Variants in ATAD2 observed in about 807,000 individuals in gnomAD.
ATAD2 encodes ATPase family AAA domain containing 2, also known as ATPase family AAA domain-containing protein 2.
A neutral mutation model predicts 168.9 loss-of-function variants in ATAD2; 62 were observed. That is an observed-to-expected ratio of 0.37 (90% CI 0.30 to 0.45). The LOEUF (loss-of-function observed/expected upper bound fraction) is 0.45, where lower values mean the gene tolerates loss of function less well. ATAD2 is among the 20% of genes least tolerant of loss of function. ATAD2 has a pLI of 1.00. For synonymous variants in ATAD2, 613 were observed against 571.6 expected (o/e 1.07, Z -1.03); for missense variants, 1,419 against 1,667.8 (o/e 0.85, Z 2.60).
chr8:123,394,011 A>G (rs1812715054), intron 1 of ATAD2, among the ~76,000 whole-genome samples: 2 of 152,172 alleles, frequency 1.3e-5, no homozygotes, highest in South Asian at 2.1e-4. Flanking sequence ...GACTTGGAAT[A>G]TATTTTGAAA....
At chr8:123,410,411 C>T (rs991302525) in intron 1 of ATAD2, among the ~76,000 whole-genome samples, 2 of 152,094 alleles carry the variant, frequency 1.3e-5, no homozygotes, top group Admixed American at 6.6e-5. Flanking sequence ...CTCAGCCTCC[C>T]GAGTAGCTGG....
At chr8:123,401,901 C>A in intron 1 of ATAD2, 1 of 769,564 alleles carries the variant, frequency 1.3e-6, no homozygotes, top group Non-Finnish European at 2.4e-6. Flanking sequence ...GTCTCGGGCT[C>A]CATCCAGGAC....
upstream of ATAD2, chr8:123,396,486 G>A: frequency 1.0e-6 from 1 of 991,094 alleles, no homozygotes; most frequent in Non-Finnish European, 1.4e-6. Context: ...CAGCGCGCGC[G>A]CCCAGAATCC....
rs1348904153 is a variant in ATAD2, at chr8:123,320,207, G to A, written c.*927C>T. ...TCCCCTCAAAAGGTTTCCAACAGAA[G>A]CTATTTCACAAACTGATTATTAGAA... is the stretch of plus-strand genomic sequence containing the variant. On this transcript the variant is annotated 3_prime_UTR_variant, in exon 28 of 28. Coordinates refer to ENST00000287394, the MANE Select transcript of ATAD2 (RefSeq NM_014109.4). The A allele has an allele frequency of 6.6e-6, 1 of 152,030 alleles. No homozygotes were observed. The highest frequency in any genetic ancestry group is 1.9e-4 in the East Asian group (1 of 5,200). 9.4% of individuals were successfully genotyped at this position (152,030 alleles called of 1,614,324 possible). A position where few individuals can be genotyped will look rare whatever the true frequency, so the allele number is the denominator to read the frequency against.
chr8:123,389,206 G>C (rs1161145914), intron 1 of ATAD2, among the ~76,000 whole-genome samples: 5 of 132,466 alleles, frequency 3.8e-5, no homozygotes, highest in African/African-American at 1.4e-4. Flanking sequence ...TCGATCTCCT[G>C]ACCTCCTGAT....
rs150166425 is a variant in ATAD2 at position 123,380,640 on chromosome 8, C to G, written c.209G>C (p.Arg70Pro). Residue 70 changes from arginine to proline, a missense_variant, in exon 2 of 28, where the codon CGG (arginine) becomes CCG (proline). Arg to Pro is a moderately radical substitution (Grantham distance 103). This residue lies in a region of ATAD2 where 419 missense variants were observed against 423.5 expected (regional missense o/e 0.99). Transcript: ENST00000287394. ...TCTCAAAGATCTTAAAGCACGTGTC[C>G]GGTGGTAGGTTTCAACTTCCTTAAC... ...SSVKEVETYH[R>P]TRALRSLRKD... 24 of 1,613,882 alleles carry G rather than the reference C, an allele frequency of 1.5e-5. No homozygotes were observed. The African/African-American group carries it at 2.8e-4, about 19-fold the overall frequency.
chr8:123,368,839 T>C (rs1829055131), intron 8 of ATAD2, among the ~76,000 whole-genome samples: 1 of 152,154 alleles, frequency 6.6e-6, no homozygotes, highest in Non-Finnish European at 1.5e-5. Flanking sequence ...TAAACTACCT[T>C]ACTACGGTAG....
chr8:123,363,937 T>G (rs1448053578), intron 8 of ATAD2, among the ~76,000 whole-genome samples: 1 of 152,212 alleles, frequency 6.6e-6, no homozygotes, highest in East Asian at 1.9e-4. Flanking sequence ...TCAAAAAATC[T>G]GCATTCTATA....
intron 11 of ATAD2, among the ~76,000 whole-genome samples, chr8:123,358,803 C>T (rs1413677118): frequency 6.9e-6 from 1 of 145,240 alleles, no homozygotes; most frequent in East Asian, 2.0e-4. Flanking sequence ...CCAATCTCAG[C>T]TCACTGCAAC....
rs751939954 is a variant in ATAD2 at position 123,347,325 on chromosome 8, G to A, written c.1979C>T (p.Thr660Ile). The A allele has an allele frequency of 3.1e-6, 5 of 1,613,908 alleles. No individual in the cohort carries two copies. Among genetic ancestry groups the A allele is most frequent in the Admixed American group, 1.7e-5 (1 of 60,002 alleles). ...ALRRRYPQIY[T>I]TSEKLQLDLS... is the part of the protein sequence containing the mutation. Reference sequence around the variant, plus strand: ...ATCCAACTGCAGTTTCTCACTAGTGGTATAGATCTGTGGGTAGCGTCGTCG... The same window carrying A: ...ATCCAACTGCAGTTTCTCACTAGTGATATAGATCTGTGGGTAGCGTCGTCG... The change falls in exon 16 of 28, where the codon ACC becomes ATC. Residue 660 changes from threonine (T) to isoleucine (I), a missense_variant. Coordinates refer to ENST00000287394, the MANE Select transcript of ATAD2 (RefSeq NM_014109.4).
In ATAD2 at chr8:123,347,144, C is replaced by A. The variant is rs759921231; in HGVS notation, c.2160G>T (p.Leu720=). ...ATTCTGCATGTGGAAATACTCTCTG[C>A]AGGGCTTCTAAAATCTTGTCAACAG... is the stretch of plus-strand genomic sequence containing the variant. ...QNTVDKILEA[L]QRVFPHAEFR... Residue 720 remains leucine, a synonymous_variant, in exon 16 of 28, where the codon CTG becomes CTT. Coordinates refer to ENST00000287394, the MANE Select transcript of ATAD2 (RefSeq NM_014109.4). 5 of 1,614,066 alleles carry A rather than the reference C, an allele frequency of 3.1e-6. No individual in the cohort carries two copies. In the Admixed American group the frequency reaches 6.7e-5, roughly 22 times the overall value.
At chr8:123,398,607 G>T (rs191956518), upstream of ATAD2, among the ~76,000 whole-genome samples, 99 of 152,270 alleles carry the variant, frequency 6.5e-4, 1 homozygote, top group Admixed American at 2.5e-3. Context: ...GACCTCCAGG[G>T]CTCAAGCAAT....
intron 2 of ATAD2, among the ~76,000 whole-genome samples, chr8:123,378,956 T>C (rs911214761): frequency 6.6e-6 from 1 of 151,932 alleles, no homozygotes; most frequent in African/African-American, 2.4e-5. Context: ...CATGCCCAGA[T>C]AATTTTTTTA....
chr8:123,385,794 C>CAT (rs557590050), intron 1 of ATAD2, among the ~76,000 whole-genome samples: 2 of 151,768 alleles, frequency 1.3e-5, no homozygotes, highest in African/African-American at 4.8e-5. Context: ...CACACACACA[C>CAT]ATATATACAC....
chr8:123,415,604 T>A lies in ATAD2; in HGVS notation c.-2282+644A>T, dbSNP rs529853832. ...CATTCACCAGAGATAAACACTATTT[T>A]TTTTTTTTGAGACGGAGTCTCACCC... On this transcript the variant is annotated intron_variant, in intron 1 of 28. Transcript: ENST00000521903. Among the ~76,000 whole-genome samples the A allele has an allele frequency of 4.3e-3, 662 of 152,336 alleles. 6 individuals carry two copies. The highest frequency in any genetic ancestry group is 0.015 in the African/African-American group (631 of 41,582).
chr8:123,371,056 C>A, intron 5 of ATAD2, 66 bp from the exon 6 acceptor site: 4 of 1,283,606 alleles, frequency 3.1e-6, no homozygotes, highest in Non-Finnish European at 3.2e-6. Flanking sequence ...TAAGTTGGAT[C>A]CTCCAATCTT....
rs753869488 is a variant in ATAD2 at position 123,370,946 on chromosome 8, T to C, written c.684A>G (p.Gln228=). The C allele has an allele frequency of 3.1e-6, 5 of 1,608,048 alleles. No homozygotes were observed. The Admixed American group carries it at 5.1e-5, about 16-fold the overall frequency. The change falls in exon 6 of 28, where the codon CAA becomes CAG. Residue 228 remains glutamine (Q), a synonymous_variant. Transcript: ENST00000287394. ...MYTRGKQKDI[Q]RTDEETTDNQ... ...TATCAGTTGTTTCTTCATCAGTTCTTTGAATATCTTTCTGTTTTCCTCTTG... is the reference window on the plus strand; with the variant it reads ...TATCAGTTGTTTCTTCATCAGTTCTCTGAATATCTTTCTGTTTTCCTCTTG...
chr8:123,381,241 C>A (rs565602881), intron 1 of ATAD2, among the ~76,000 whole-genome samples: 1 of 152,118 alleles, frequency 6.6e-6, no homozygotes, highest in African/African-American at 2.4e-5. Context: ...CTTATGCCTG[C>A]AATCCTAGCA....
At position 123,396,437 on chromosome 8, in the gene ATAD2, C is replaced by G. The variant is rs899437262; in HGVS notation, c.-80G>C. On this transcript the variant is annotated 5_prime_UTR_variant, in exon 1 of 28. Coordinates refer to ENST00000287394, the MANE Select transcript of ATAD2 (RefSeq NM_014109.4). ...CGCTCGCAGCTCTGGCTCTTCCGCGCTCCGAATTCTGGCGCCACAAGCTCC... is the reference window on the plus strand; with the variant it reads ...CGCTCGCAGCTCTGGCTCTTCCGCGGTCCGAATTCTGGCGCCACAAGCTCC... 10 of 1,380,846 alleles carry G rather than the reference C, an allele frequency of 7.2e-6. No individual in the cohort carries two copies. The highest frequency in any genetic ancestry group is 1.9e-6 in the Non-Finnish European group (2 of 1,057,080). 85.5% of individuals were successfully genotyped at this position (1,380,846 alleles called of 1,614,324 possible).
Sources: gnomAD v4.1 joint callset for allele counts (sites outside exome capture counted in the v4.1 genomes callset) on GRCh38, gnomAD v4.1.1 for gene constraint, gnomAD v4.1.1 regional missense constraint, MANE v1.5 for transcripts, NCBI Gene and HGNC (gene_info 2026-07-23, HGNC 2026-07-21) for gene names.